The following NEGR1 variants were observed in gnomAD, a reference collection of about 807,000 sequenced individuals.
NEGR1 encodes the protein neuronal growth regulator 1.
In NEGR1, 10 loss-of-function variants were observed where a neutral mutation model predicts 40.9. That is an observed-to-expected ratio of 0.24 (90% CI 0.15 to 0.42). The LOEUF is 0.42. NEGR1 is among the 10% of genes least tolerant of loss of function. NEGR1 has a pLI of 1.00. For synonymous variants in NEGR1, 185 were observed against 166.8 expected, an observed-to-expected ratio of 1.11 and a Z score of -0.84; for missense variants, 352 against 438.9, an observed-to-expected ratio of 0.80 and a Z score of 1.77.
Position 71,562,363 on chromosome 1 carries a change from C to G in NEGR1, c.940+30454G>C, listed in dbSNP as rs76102764. 9.2e-3 allele frequency among the ~76,000 whole-genome samples: 1,391 copies of G among 151,792 alleles called. 31 individuals carry two copies. The highest frequency in any genetic ancestry group is 0.06 in the South Asian group (289 of 4,812). On this transcript the variant is annotated intron_variant, in intron 6 of 6. Coordinates refer to ENST00000357731, the MANE Select transcript of NEGR1 (RefSeq NM_173808.3). ...CACTGGACATAAATCTTCAGGTATT[C>G]CTTGGTATTTTTCCTGGTTCTAAAA...
At chr1:71,602,133 C>T (rs1649940804) in intron 5 of NEGR1, among the ~76,000 whole-genome samples, 1 of 151,772 alleles carries the variant, frequency 6.6e-6, no homozygotes. Flanking sequence ...CTAGCCCTAA[C>T]TCCTGTTATA....
rs115793338 is a variant in NEGR1 at position 71,832,046 on chromosome 1, A to T, written c.410-55749T>A. On this transcript the variant is annotated intron_variant, in intron 2 of 6. Transcript: ENST00000357731. ...GTACGCAAGATGGATTAGAGATGGT[A>T]GAGACTCGAGTGAGAAAAATCAACT... Among the ~76,000 whole-genome samples, 930 of 152,008 alleles carry T rather than the reference A, an allele frequency of 6.1e-3. 8 individuals are homozygous for T. Among genetic ancestry groups the T allele is most frequent in the South Asian group, 0.024 (114 of 4,820 alleles).
intron 1 of NEGR1, among the ~76,000 whole-genome samples, chr1:72,230,859 T>C (rs1440696343): frequency 6.6e-6 from 1 of 152,182 alleles, no homozygotes; most frequent in Non-Finnish European, 1.5e-5. Flanking sequence ...CTGCCATTCA[T>C]GATTCAACAT....
chr1:71,414,776 A>G (rs1190279691), intron 6 of NEGR1, among the ~76,000 whole-genome samples: 6 of 152,120 alleles, frequency 3.9e-5, no homozygotes, highest in Non-Finnish European at 7.4e-5. Context: ...CATACTTGTC[A>G]TGTGGTAGGG....
chr1:71,868,644 A>G (rs948191611), intron 2 of NEGR1, among the ~76,000 whole-genome samples: 4 of 152,140 alleles, frequency 2.6e-5, no homozygotes, highest in African/African-American at 7.2e-5. Context: ...GTTACCAACT[A>G]TCTTTCTAGG....
chr1:72,282,179 C>T, intron 1 of NEGR1, 140 bp downstream of exon 1: 2 of 1,031,736 alleles, frequency 1.9e-6, no homozygotes, highest in Non-Finnish European at 1.4e-6. Flanking sequence ...AGAATCTGCA[C>T]CTGGAATTCT....
intron 4 of NEGR1, among the ~76,000 whole-genome samples, chr1:71,637,476 T>A (rs920336300): frequency 3.3e-5 from 5 of 151,970 alleles, no homozygotes; most frequent in African/African-American, 1.2e-4. Context: ...TTATTTTATG[T>A]ATATAATTTG....
chr1:71,969,036 CAG>C (rs1646234848), intron 1 of NEGR1, among the ~76,000 whole-genome samples: 1 of 151,310 alleles, frequency 6.6e-6, no homozygotes, highest in Non-Finnish European at 1.5e-5. Flanking sequence ...TTTTTTGAGA[CAG>C]AGTTTCGCTC....
At chr1:71,685,023 T>C (rs1652983756) in intron 4 of NEGR1, among the ~76,000 whole-genome samples, 1 of 152,208 alleles carries the variant, frequency 6.6e-6, no homozygotes, top group Non-Finnish European at 1.5e-5. Context: ...CAATATATCA[T>C]TGTTTATTAT....
At chr1:71,686,902 C>T (rs1182715532) in intron 4 of NEGR1, among the ~76,000 whole-genome samples, 1 of 152,124 alleles carries the variant, frequency 6.6e-6, no homozygotes, top group East Asian at 1.9e-4. Flanking sequence ...TTTGCAAACC[C>T]AATATGCTCA....
intron 1 of NEGR1, among the ~76,000 whole-genome samples, chr1:71,957,723 G>T (rs929893924): frequency 2.6e-5 from 4 of 152,086 alleles, no homozygotes; most frequent in African/African-American, 9.7e-5. Flanking sequence ...TTATCAGATT[G>T]TCCTGAAATT....
intron 6 of NEGR1, among the ~76,000 whole-genome samples, chr1:71,442,608 C>T (rs919374213): frequency 2.6e-5 from 4 of 151,642 alleles, no homozygotes; most frequent in Non-Finnish European, 5.9e-5. Context: ...AGTGAGACTC[C>T]GTCTCAAAAA....
intron 1 of NEGR1, among the ~76,000 whole-genome samples, chr1:72,182,654 A>T (rs1652425655): frequency 6.6e-6 from 1 of 152,144 alleles, no homozygotes; most frequent in African/African-American, 2.4e-5. Context: ...ACCTGGCTTT[A>T]TAAGGTCTAA....
rs758758331 is a variant in NEGR1 at position 71,442,832 on chromosome 1, G to A, written c.941-35262C>T. 7.2e-5 allele frequency among the ~76,000 whole-genome samples: 11 copies of A among 152,194 alleles called. No individual in the cohort carries two copies. The South Asian group carries it at 8.3e-4, about 12-fold the overall frequency. On this transcript the variant is annotated intron_variant, in intron 6 of 6. Transcript: ENST00000357731. ...GAGAAGGTTGCTGCTGACTTTGATC[G>A]TTTGACAGAAACAAATTGAAGGTTA...
intron 1 of NEGR1, among the ~76,000 whole-genome samples, chr1:71,963,948 CT>C (rs1646189453): frequency 1.3e-5 from 2 of 152,064 alleles, no homozygotes; most frequent in Non-Finnish European, 1.5e-5. Context: ...AATCATTTTT[CT>C]ACATTACATC....
chr1:72,050,583 C>G (rs1013851873), intron 1 of NEGR1, among the ~76,000 whole-genome samples: 10 of 151,578 alleles, frequency 6.6e-5, no homozygotes, highest in African/African-American at 2.4e-4. Context: ...GTTGACCCTT[C>G]TATATATTTT....
intron 4 of NEGR1, among the ~76,000 whole-genome samples, chr1:71,654,516 T>A (rs1183110537): frequency 6.6e-6 from 1 of 152,170 alleles, no homozygotes; most frequent in African/African-American, 2.4e-5. Context: ...TAAAATATGT[T>A]CAAAATAAAT....
intron 1 of NEGR1, among the ~76,000 whole-genome samples, chr1:72,197,721 A>G (rs912011334): frequency 6.6e-6 from 1 of 152,046 alleles, no homozygotes; most frequent in African/African-American, 2.4e-5. Flanking sequence ...GAAAGCATTT[A>G]GATTCCCAAC....
At chr1:72,039,792 T>A (rs1646936204) in intron 1 of NEGR1, among the ~76,000 whole-genome samples, 1 of 151,982 alleles carries the variant, frequency 6.6e-6, no homozygotes, top group African/African-American at 2.4e-5. Flanking sequence ...CGAGAAGGGC[T>A]GCAGAAATCT....
Sources: allele counts gnomAD v4.1 joint callset (sites outside exome capture counted in the v4.1 genomes callset), GRCh38; gene constraint gnomAD v4.1.1; transcripts MANE v1.5; gene names NCBI Gene and HGNC (gene_info 2026-07-23, HGNC 2026-07-21).